MYCBP2: variants seen among roughly 807,000 people sequenced by gnomAD.
The protein encoded by MYCBP2 is E3 ubiquitin-protein ligase MYCBP2.
MYCBP2 carries 120 observed loss-of-function variants against 525.3 expected under a neutral mutation model. That is an observed-to-expected ratio of 0.23 (90% confidence interval 0.20 to 0.27). The LOEUF (loss-of-function observed/expected upper bound fraction) is 0.27. Among genes scored for constraint, MYCBP2 ranks in the 10% least tolerant of loss-of-function variants. The probability of loss-of-function intolerance (pLI) is 1.00; values close to 1 mark genes in which losing one functional copy is unlikely to be tolerated. For synonymous variants in MYCBP2, 1,894 were observed against 1,955.8 expected (o/e 0.97, Z 0.83); for missense variants, 4,149 against 5,657.1 (o/e 0.73, Z 8.55).
At chr13:77,249,899 C>T (rs1196350924) in intron 15 of MYCBP2, among the ~76,000 whole-genome samples, 1 of 152,160 alleles carries the variant, frequency 6.6e-6, no homozygotes, top group African/African-American at 2.4e-5. Context: ...GACTTTATTG[C>T]TTATACTAAT....
At chr13:77,211,120 T>C in intron 23 of MYCBP2, 47 bp downstream of exon 23, 1 of 1,353,054 alleles carries the variant, frequency 7.4e-7, no homozygotes, top group East Asian at 2.7e-5. Flanking sequence ...CATAAGAGTA[T>C]AACTGCATCA....
intron 20 of MYCBP2, among the ~76,000 whole-genome samples, chr13:77,220,212 A>C (rs2065355990): frequency 6.6e-6 from 1 of 152,166 alleles, no homozygotes; most frequent in African/African-American, 2.4e-5. Context: ...ATTAAGCAAC[A>C]GTCTTTAACT....
intron 27 of MYCBP2, among the ~76,000 whole-genome samples, chr13:77,192,983 G>A (rs2154260156): frequency 6.6e-6 from 1 of 152,132 alleles, no homozygotes; most frequent in East Asian, 1.9e-4. Context: ...ACAAACATTA[G>A]CCGGGCCTGG....
At chr13:77,239,992 ATATC>A (rs570434109) in intron 17 of MYCBP2, among the ~76,000 whole-genome samples, 8 of 152,340 alleles carry the variant, frequency 5.3e-5, no homozygotes, top group Non-Finnish European at 1.0e-4. Context: ...AAAATAAAAA[ATATC>A]TATAAACTCA....
chr13:77,089,739 A>T (rs1048610883), intron 60 of MYCBP2, among the ~76,000 whole-genome samples: 2 of 151,960 alleles, frequency 1.3e-5, no homozygotes, highest in Admixed American at 6.6e-5. Flanking sequence ...AGAGTTATCA[A>T]GCTTCAGTTG....
At chr13:77,086,026 C>T (rs962974204) in intron 62 of MYCBP2, among the ~76,000 whole-genome samples, 6 of 152,116 alleles carry the variant, frequency 3.9e-5, no homozygotes, top group African/African-American at 1.4e-4. Flanking sequence ...AGATACATAT[C>T]CAGGATTGAT....
At chr13:77,046,979 G>A (rs1415015592) in intron 82 of MYCBP2, among the ~76,000 whole-genome samples, 2 of 152,122 alleles carry the variant, frequency 1.3e-5, no homozygotes, top group East Asian at 1.9e-4. Context: ...ACATATCAAT[G>A]GTGGTGACAC....
At chr13:77,196,092 A>G (rs770113153) in intron 26 of MYCBP2, among the ~76,000 whole-genome samples, 4 of 152,192 alleles carry the variant, frequency 2.6e-5, no homozygotes, top group Admixed American at 6.5e-5. Context: ...CAGGGAATGA[A>G]GCTCTGAAGG....
chr13:77,233,320 A>G lies in MYCBP2; in HGVS notation c.2630-57T>C, dbSNP rs909700501. On this transcript the variant is annotated intron_variant, in intron 17 of 82. Transcript: ENST00000544440. ...AAACTCACAAAATGAAAACACTATA[A>G]TGAACAAAAAATAATTCAAACTAAA... The G allele has an allele frequency of 4.8e-6, 6 of 1,256,440 alleles. No homozygotes were observed. The Admixed American group carries it at 7.3e-5, about 15-fold the overall frequency. 77.8% of individuals were successfully genotyped at this position (1,256,440 alleles called of 1,614,324 possible). A position where few individuals can be genotyped will look rare whatever the true frequency, so the allele number is the denominator to read the frequency against.
chr13:77,129,301 C>T (rs141143323), intron 52 of MYCBP2: 11 of 394,224 alleles, frequency 2.8e-5, no homozygotes, highest in Non-Finnish European at 4.5e-5. Context: ...GCAGAAGATG[C>T]GTGCACAGTA....
At position 77,050,925 on chromosome 13, in the gene MYCBP2, C is replaced by A. The variant is rs137865219; in HGVS notation, c.13921+72G>T. 808 of 1,315,670 alleles carry A rather than the reference C, an allele frequency of 6.1e-4. 5 individuals are homozygous for A. The African/African-American group carries it at 0.011, about 18-fold the overall frequency. The allele number at this position is 1,315,670 out of a possible 1,614,324, so 81.5% of individuals were successfully genotyped here. ...TGAGTTTCTGTCACTTGAAACAGAGCTTTCATATAATGTTTACATAAAACT... is the reference window on the plus strand; with the variant it reads ...TGAGTTTCTGTCACTTGAAACAGAGATTTCATATAATGTTTACATAAAACT... On this transcript the variant is annotated intron_variant, in intron 82 of 82. Transcript: ENST00000544440.
intron 5 of MYCBP2, among the ~76,000 whole-genome samples, chr13:77,271,112 T>C (rs2074826768): frequency 6.6e-6 from 1 of 152,222 alleles, no homozygotes; most frequent in African/African-American, 2.4e-5. Context: ...TTTTCTTTTA[T>C]TACTTTAACC....
intron 37 of MYCBP2, among the ~76,000 whole-genome samples, chr13:77,173,296 G>T (rs1202434775): frequency 6.6e-6 from 1 of 152,228 alleles, no homozygotes; most frequent in Non-Finnish European, 1.5e-5. Context: ...GATGCTCTTA[G>T]TGGCTCTCCA....
intron 38 of MYCBP2, among the ~76,000 whole-genome samples, chr13:77,170,471 C>T (rs2059023643): frequency 1.3e-5 from 2 of 152,112 alleles, no homozygotes; most frequent in South Asian, 4.1e-4. Context: ...AGCTTCAGGA[C>T]CTGGGGATAA....
Position 77,180,131 on chromosome 13 carries a change from G to T in MYCBP2, c.5129C>A (p.Ser1710Tyr), listed in dbSNP as rs975864162. Residue 1710 changes from serine (S) to tyrosine (Y), a missense_variant, in exon 34 of 83, where the codon TCT becomes TAT. Transcript: ENST00000544440. ...VSELTASALG[S>Y]EVDGLNSLHS... ...TGTCAAAATATAATGTATTACCTCAGATCCCAGGGCTGACGCTGTCAGTTC... is the reference window on the plus strand; with the variant it reads ...TGTCAAAATATAATGTATTACCTCATATCCCAGGGCTGACGCTGTCAGTTC... The T allele has an allele frequency of 2.7e-5, 44 of 1,612,184 alleles. No homozygotes were observed. The highest frequency in any genetic ancestry group is 3.3e-5 in the Non-Finnish European group (39 of 1,178,964).
Position 77,243,208 on chromosome 13 carries a change from T to C in MYCBP2, c.2528-48A>G. 3.0e-6 allele frequency: 4 copies of C among 1,345,330 alleles called. No homozygotes were observed. The South Asian group carries it at 3.5e-5, about 12-fold the overall frequency. 83.3% of individuals were successfully genotyped at this position (1,345,330 alleles called of 1,614,324 possible). ...CAACAACAACAACATATATGTTATA[T>C]AATAGCTATGACAGAACTACATAAA... On this transcript the variant is annotated intron_variant, in intron 16 of 82. Transcript: ENST00000544440.
Position 77,095,550 on chromosome 13 carries a change from G to C in MYCBP2, c.10007C>G (p.Pro3336Arg), listed in dbSNP as rs774955596. The C allele has an allele frequency of 3.1e-6, 5 of 1,613,356 alleles. No individual in the cohort carries two copies. Among genetic ancestry groups the C allele is most frequent in the Non-Finnish European group, 4.2e-6 (5 of 1,179,658 alleles). Residue 3336 changes from proline (P) to arginine (R), a missense_variant, in exon 58 of 83, where the codon CCC becomes CGC. This residue lies in a region of MYCBP2 where 509 missense variants were observed against 789.4 expected (regional missense o/e 0.64). Transcript: ENST00000544440. ...PMQVKTPRALPTMEAHQVIKA... is the reference protein window; with the variant it reads ...PMQVKTPRALRTMEAHQVIKA... ...AATCACCTGGTGAGCTTCCATGGTG[G>C]GCAAGGCACGAGGGGTCTTGACTTG...
intron 1 of MYCBP2, among the ~76,000 whole-genome samples, chr13:77,298,742 T>C (rs1160452068): frequency 6.6e-6 from 1 of 152,222 alleles, no homozygotes; most frequent in Non-Finnish European, 1.5e-5. Flanking sequence ...AAGGAGGTCA[T>C]GGAAACTATG....
intron 46 of MYCBP2, among the ~76,000 whole-genome samples, chr13:77,151,454 T>C (rs377762522): frequency 2.2e-4 from 34 of 152,300 alleles, no homozygotes; most frequent in African/African-American, 6.7e-4. Context: ...AGCCCAAATA[T>C]GTTTCTTTAC....
Sources: gnomAD v4.1 joint callset for allele counts (sites outside exome capture counted in the v4.1 genomes callset) on GRCh38, gnomAD v4.1.1 for gene constraint, gnomAD v4.1.1 regional missense constraint, MANE v1.5 for transcripts, NCBI Gene and HGNC (gene_info 2026-07-23, HGNC 2026-07-21) for gene names.